The following CD99L2 variants were observed in gnomAD, a reference collection of about 807,000 sequenced individuals.
CD99L2 encodes the protein CD99 molecule like 2.
Under a neutral mutation model 27.3 loss-of-function variants are expected in CD99L2, and 24 were observed. The ratio of observed to expected loss-of-function variants is 0.88; its 90% CI spans 0.64 to 1.24. CD99L2 has a LOEUF of 1.24. Among genes scored for constraint, CD99L2 ranks in the 50% most tolerant of loss-of-function variants. The pLI, the probability that CD99L2 is intolerant of heterozygous loss-of-function variation, is 0.00. For synonymous variants in CD99L2, 97 were observed against 87.9 expected, an observed-to-expected ratio of 1.10 and a Z score of -0.58; for missense variants, 255 against 221.6, an observed-to-expected ratio of 1.15 and a Z score of -0.96.
At chrX:150,822,384 C>T (rs1557420691) in intron 2 of CD99L2, among the ~76,000 whole-genome samples, 1 of 111,795 alleles carries the variant, frequency 8.9e-6, no homozygotes. Flanking sequence ...TAGAGAGAAA[C>T]TGCTTGATAG....
chrX:150,859,541 G>A (rs1470494225), intron 1 of CD99L2, among the ~76,000 whole-genome samples: 11 of 106,371 alleles, frequency 1.0e-4, no homozygotes, highest in Middle Eastern at 4.8e-3. Flanking sequence ...CTTGTTGCCC[G>A]GGCTGGAATG....
At chrX:150,835,417 T>C (rs979266280) in intron 1 of CD99L2, among the ~76,000 whole-genome samples, 1 of 111,715 alleles carries the variant, frequency 9.0e-6, no homozygotes, top group Non-Finnish European at 1.9e-5. Context: ...GTAGTCCCAA[T>C]TACTTGGAAG....
At chrX:150,832,853 T>G (rs1403033107) in intron 1 of CD99L2, among the ~76,000 whole-genome samples, 1 of 110,353 alleles carries the variant, frequency 9.1e-6, no homozygotes, top group Non-Finnish European at 1.9e-5. Flanking sequence ...ATCGAGACCA[T>G]CCTGGCTAAC....
At chrX:150,817,940 G>A (rs1383234737) in intron 2 of CD99L2, among the ~76,000 whole-genome samples, 1 of 110,350 alleles carries the variant, frequency 9.1e-6, no homozygotes, top group Non-Finnish European at 1.9e-5. Flanking sequence ...AGCTGGAGCA[G>A]CTATACTAAT....
At chrX:150,865,085 A>G (rs1193333329) in intron 1 of CD99L2, among the ~76,000 whole-genome samples, 3 of 109,816 alleles carry the variant, frequency 2.7e-5, no homozygotes, top group Admixed American at 2.0e-4. Flanking sequence ...AAAAAAAATT[A>G]AATTTTACAT....
rs782535820 is a variant in CD99L2 at position 150,881,059 on chromosome X, G to A, written c.67+17463C>T. On this transcript the variant is annotated intron_variant, in intron 1 of 10. Transcript: ENST00000370377. ...GACTTCCAGTACCCTTCCTCCTAGCGAGAGGGAGCTAGAGCGAGTGAGAGG... is the reference window on the plus strand; with the variant it reads ...GACTTCCAGTACCCTTCCTCCTAGCAAGAGGGAGCTAGAGCGAGTGAGAGG... Among the ~76,000 whole-genome samples, 5 of 111,298 alleles carry A rather than the reference G, an allele frequency of 4.5e-5. 1 individual carries two copies. Among genetic ancestry groups the A allele is most frequent in the African/African-American group, 1.6e-4 (5 of 30,600 alleles).
Position 150,824,425 on chromosome X carries a change from GAGA to G in CD99L2, c.130+6803_130+6805del, listed in dbSNP as rs781905071. 6.6e-3 allele frequency among the ~76,000 whole-genome samples: 586 copies of G among 88,739 alleles called. 7 individuals are homozygous for G. The highest frequency in any genetic ancestry group is 0.019 in the Middle Eastern group (3 of 155). 77.1% of individuals were successfully genotyped at this position (88,739 alleles called of 115,157 possible). On this transcript the variant is annotated intron_variant, in intron 2 of 10. Coordinates refer to ENST00000370377, the MANE Select transcript of CD99L2 (RefSeq NM_031462.4). ...AAAGAAGAAGAAAAGAAGAAGAAAA[GAGA>G]AGAAGAAGAAAGAAGAAAGAAGAAG...
chrX:150,887,095 G>A (rs2047422792), intron 1 of CD99L2, among the ~76,000 whole-genome samples: 1 of 107,486 alleles, frequency 9.3e-6, no homozygotes, highest in Admixed American at 1.0e-4. Context: ...ATTGAGCCAT[G>A]ATGGTGCCAC....
At chrX:150,866,491 G>A (rs1242041071) in intron 1 of CD99L2, among the ~76,000 whole-genome samples, 2 of 111,272 alleles carry the variant, frequency 1.8e-5, no homozygotes, top group African/African-American at 6.6e-5. Context: ...TCAATACTTT[G>A]GGAGGCCAAG....
At chrX:150,814,961 G>T (rs781813833) in intron 3 of CD99L2, 25 bp from the exon 4 acceptor site, 1 of 1,207,625 alleles carries the variant, frequency 8.3e-7, no homozygotes, top group Non-Finnish European at 1.1e-6. Flanking sequence ...AAAACATAAA[G>T]GAAACAGCCA....
intron 9 of CD99L2, among the ~76,000 whole-genome samples, chrX:150,771,443 C>T (rs937548969): frequency 8.9e-6 from 1 of 112,387 alleles, no homozygotes; most frequent in Admixed American, 9.3e-5. Flanking sequence ...CCAGGAGACA[C>T]ACCCTGAGCC....
In CD99L2 at chrX:150,816,020, C is replaced by T. The variant is rs781932556; in HGVS notation, c.189G>A (p.Pro63=). 3.0e-5 allele frequency: 36 copies of T among 1,209,344 alleles called. No homozygotes were observed. Among genetic ancestry groups the T allele is most frequent in the Non-Finnish European group, 3.7e-5 (33 of 895,010 alleles). ...CAGCCACATTACCTGGAGGTTTTGC[C>T]GGAGCTCTGGTGGTTCCTGGCCTAT... ...TTNRPGTTRA[P]AKPPGSGLDL... The change falls in exon 3 of 11, where the codon CCG becomes CCA. Residue 63 remains proline (P), a synonymous_variant. Transcript: ENST00000370377.
intron 2 of CD99L2, among the ~76,000 whole-genome samples, chrX:150,826,498 C>A (rs1316952994): frequency 9.0e-6 from 1 of 111,228 alleles, no homozygotes; most frequent in Non-Finnish European, 1.9e-5. Flanking sequence ...ATAAAGTCCA[C>A]ATATTGAATG....
At chrX:150,877,959 T>TACACACACACACACACACACAC (rs72172934) in intron 1 of CD99L2, among the ~76,000 whole-genome samples, 2 of 83,077 alleles carry the variant, frequency 2.4e-5, no homozygotes, top group African/African-American at 4.7e-5. Flanking sequence ...CTCAAACACA[T>TACACACACACACACACACACAC]ACACACACAC....
At chrX:150,795,520 C>T (rs1557419886) in intron 4 of CD99L2, 34 bp from the exon 5 acceptor site, 2 of 1,170,846 alleles carry the variant, frequency 1.7e-6, no homozygotes, top group South Asian at 3.6e-5. Flanking sequence ...AAAGGGAGCA[C>T]ATTTAGGAAC....
chrX:150,801,471 G>C (rs984261561), intron 4 of CD99L2, among the ~76,000 whole-genome samples: 21 of 111,324 alleles, frequency 1.9e-4, no homozygotes, highest in African/African-American at 6.9e-4. Context: ...GCTCTTGTGA[G>C]AACTCACTCA....
intron 7 of CD99L2, among the ~76,000 whole-genome samples, chrX:150,778,683 A>ATATAT (rs1557419363): frequency 5.1e-3 from 139 of 27,179 alleles, no homozygotes; most frequent in African/African-American, 9.7e-3. Context: ...TAAAAAAAAA[A>ATATAT]AAATATATAT....
rs1243990598 is a variant in CD99L2, at chrX:150,767,319, C to G, written c.*1715G>C. 1 of 112,267 alleles carries G rather than the reference C, an allele frequency of 8.9e-6. No individual in the cohort carries two copies. Among genetic ancestry groups the G allele is most frequent in the African/African-American group, 3.2e-5 (1 of 30,821 alleles). 9.3% of individuals were successfully genotyped at this position (112,267 alleles called of 1,213,427 possible). A position where few individuals can be genotyped will look rare whatever the true frequency, so the allele number is the denominator to read the frequency against. ...TAACTTCCTGAAGCATGGGAAGCTTCTCGAGACCAGGCCAAGGTTTCTTTC... is the reference window on the plus strand; with the variant it reads ...TAACTTCCTGAAGCATGGGAAGCTTGTCGAGACCAGGCCAAGGTTTCTTTC... On this transcript the variant is annotated 3_prime_UTR_variant, in exon 11 of 11. Transcript: ENST00000370377.
chrX:150,836,649 T>C (rs1569566043), intron 1 of CD99L2, among the ~76,000 whole-genome samples: 1 of 111,840 alleles, frequency 8.9e-6, no homozygotes, highest in African/African-American at 3.3e-5. Flanking sequence ...AACATAGTCA[T>C]GTGTTGCTTA....
Sources: allele counts gnomAD v4.1 joint callset (sites outside exome capture counted in the v4.1 genomes callset), GRCh38; gene constraint gnomAD v4.1.1; transcripts MANE v1.5; gene names NCBI Gene and HGNC (gene_info 2026-07-23, HGNC 2026-07-21).